Variants in RPTOR observed in about 807,000 individuals in gnomAD.
RPTOR encodes the protein regulatory associated protein of MTOR complex 1.
In RPTOR, 21 loss-of-function variants were observed where a neutral mutation model predicts 169.9. The observed-to-expected ratio is 0.12, with a 90% CI of 0.09 to 0.18. The LOEUF (loss-of-function observed/expected upper bound fraction) is 0.18, where lower values mean the gene tolerates loss of function less well. Ranked by LOEUF, RPTOR falls within the 10% of genes least tolerant of loss-of-function variation. RPTOR has a pLI of 1.00. For synonymous variants in RPTOR, 732 were observed against 753.2 expected, an observed-to-expected ratio of 0.97 and a Z score of 0.46; for missense variants, 1,133 against 1,855.9, an observed-to-expected ratio of 0.61 and a Z score of 7.16.
chr17:80,594,015 A>G (rs2065126195), intron 1 of RPTOR, among the ~76,000 whole-genome samples: 1 of 152,076 alleles, frequency 6.6e-6, no homozygotes, highest in African/African-American at 2.4e-5. Flanking sequence ...ATTTAGTGAT[A>G]TTGCCGTTCG....
chr17:80,561,938 A>G (rs1382275989), intron 1 of RPTOR, among the ~76,000 whole-genome samples: 3 of 152,174 alleles, frequency 2.0e-5, no homozygotes, highest in South Asian at 2.1e-4. Context: ...ATGTGTATGC[A>G]TGTGTGTTTA....
intron 3 of RPTOR, among the ~76,000 whole-genome samples, chr17:80,663,082 G>T (rs2065736554): frequency 6.6e-6 from 1 of 152,088 alleles, no homozygotes; most frequent in African/African-American, 2.4e-5. Flanking sequence ...GTATTCTTTT[G>T]CTCTTGCGTT....
intron 5 of RPTOR, among the ~76,000 whole-genome samples, chr17:80,734,673 T>G (rs2066420216): frequency 6.6e-6 from 1 of 152,192 alleles, no homozygotes; most frequent in Non-Finnish European, 1.5e-5. Flanking sequence ...GTGTTTCATC[T>G]GCTTGGGAGG....
chr17:80,854,636 G>A (rs1285577854), intron 11 of RPTOR, among the ~76,000 whole-genome samples: 1 of 152,258 alleles, frequency 6.6e-6, no homozygotes, highest in African/African-American at 2.4e-5. Flanking sequence ...GCCCACGCCT[G>A]TAATCCCTAC....
chr17:80,620,024 A>G (rs2065343258), intron 1 of RPTOR, among the ~76,000 whole-genome samples: 1 of 152,180 alleles, frequency 6.6e-6, no homozygotes, highest in Admixed American at 6.5e-5. Flanking sequence ...ATGGCTGGGA[A>G]GACCAGTCAT....
chr17:80,779,020 A>G (rs764804858), intron 6 of RPTOR, among the ~76,000 whole-genome samples: 15 of 152,214 alleles, frequency 9.9e-5, no homozygotes, highest in Non-Finnish European at 1.9e-4. Context: ...CACAAAACCA[A>G]GACATACAGT....
intron 1 of RPTOR, among the ~76,000 whole-genome samples, chr17:80,624,315 G>T (rs113831378): frequency 0.011 from 1,658 of 152,140 alleles, 27 homozygotes; most frequent in African/African-American, 0.038. Context: ...ATATTATGAG[G>T]ATGTTACTTC....
At chr17:80,855,732 G>A (rs1189710293) in intron 12 of RPTOR, among the ~76,000 whole-genome samples, 185 bp downstream of exon 12, 2 of 152,278 alleles carry the variant, frequency 1.3e-5, no homozygotes, top group African/African-American at 2.4e-5. Context: ...CTCTGTACCC[G>A]TGCAGCCTGC....
chr17:80,773,146 G>A (rs2066861267), intron 6 of RPTOR, among the ~76,000 whole-genome samples: 1 of 152,246 alleles, frequency 6.6e-6, no homozygotes, highest in Admixed American at 6.5e-5. Context: ...GTGTTTGGCT[G>A]AGCCAGTGAC....
At chr17:80,767,231 C>T (rs12943552) in intron 6 of RPTOR, among the ~76,000 whole-genome samples, 26,742 of 152,014 alleles carry the variant, frequency 0.18, 2,796 homozygotes, top group East Asian at 0.24. Flanking sequence ...ATTACTCGTG[C>T]GTGGTGGCAT....
intron 11 of RPTOR, among the ~76,000 whole-genome samples, chr17:80,851,913 AAAAC>A (rs1488474197): frequency 2.0e-5 from 3 of 152,250 alleles, no homozygotes; most frequent in African/African-American, 7.2e-5. Context: ...GTGTTGGAAA[AAAAC>A]AAAAAGAATC....
intron 1 of RPTOR, among the ~76,000 whole-genome samples, chr17:80,571,889 G>A (rs1190430890): frequency 2.6e-5 from 4 of 152,160 alleles, no homozygotes; most frequent in African/African-American, 7.2e-5. Context: ...TTCGTGTGTT[G>A]CTTCTTTTCT....
At chr17:80,641,281 A>G (rs186874907) in intron 2 of RPTOR, among the ~76,000 whole-genome samples, 240 of 152,296 alleles carry the variant, frequency 1.6e-3, no homozygotes, top group South Asian at 0.011. Context: ...GAAGTTAGAT[A>G]TTACCTGGTT....
In RPTOR at chr17:80,955,858, C is replaced by A. The variant is rs373681123; in HGVS notation, c.3371-1766C>A. Reference sequence around the variant, plus strand: ...TTCTAGGCGCTTCCTTCTCCACCCGCAAGGACACGTGAAGTTGTTGACTGT... The same window carrying A: ...TTCTAGGCGCTTCCTTCTCCACCCGAAAGGACACGTGAAGTTGTTGACTGT... On this transcript the variant is annotated intron_variant, in intron 28 of 33. Transcript: ENST00000306801. Among the ~76,000 whole-genome samples, 10 of 152,288 alleles carry A rather than the reference C, an allele frequency of 6.6e-5. No homozygotes were observed. In the East Asian group the frequency reaches 1.7e-3, roughly 26 times the overall value.
At chr17:80,870,251 A>C (rs2068037689) in intron 13 of RPTOR, among the ~76,000 whole-genome samples, 2 of 152,200 alleles carry the variant, frequency 1.3e-5, no homozygotes, top group African/African-American at 2.4e-5. Context: ...TCATGAAGTA[A>C]ATCCAGATTT....
In RPTOR at chr17:80,730,048, C is replaced by G. The variant is rs2066376688; in HGVS notation, c.508-512C>G. 6.6e-6 allele frequency among the ~76,000 whole-genome samples: 1 copy of G among 152,236 alleles called. No homozygotes were observed. The highest frequency in any genetic ancestry group is 2.4e-5 in the African/African-American group (1 of 41,458). ...CTAGGGATGATGACTTTGGCAGCCA[C>G]CTGGTGTGGGCGCTACTGGAGTAAA... On this transcript the variant is annotated intron_variant, in intron 4 of 33. Transcript: ENST00000306801. This position sits in a 1 kb window ranked among gnomAD's most constrained non-coding sequence, Gnocchi z 4.2.
intron 13 of RPTOR, among the ~76,000 whole-genome samples, chr17:80,862,887 C>T (rs1453432583): frequency 6.6e-6 from 1 of 152,194 alleles, no homozygotes; most frequent in African/African-American, 2.4e-5. Context: ...AGCCACTCCC[C>T]CAGTGTTCTC....
intron 11 of RPTOR, among the ~76,000 whole-genome samples, chr17:80,847,484 T>C (rs892912454): frequency 6.8e-6 from 1 of 147,536 alleles, no homozygotes; most frequent in Non-Finnish European, 1.5e-5. Flanking sequence ...GATATCAAGG[T>C]CTAAGAACTC....
chr17:80,635,073 A>T (rs1226090458), intron 2 of RPTOR, among the ~76,000 whole-genome samples: 10 of 152,040 alleles, frequency 6.6e-5, no homozygotes, highest in Non-Finnish European at 8.8e-5. Context: ...GACAGTGACA[A>T]CCTTGGTATC....
Sources: allele counts gnomAD v4.1 joint callset (sites outside exome capture counted in the v4.1 genomes callset), GRCh38; gene constraint gnomAD v4.1.1; non-coding constraint Gnocchi (gnomAD v3.1); transcripts MANE v1.5; gene names NCBI Gene and HGNC (gene_info 2026-07-23, HGNC 2026-07-21).